The following GPATCH2 variants were observed in gnomAD, a reference collection of about 807,000 sequenced individuals.
GPATCH2 encodes G-patch domain containing 2.
Under a neutral mutation model 58.0 loss-of-function variants are expected in GPATCH2, and 51 were observed. The ratio of observed to expected loss-of-function variants is 0.88; its 90% CI spans 0.70 to 1.11. GPATCH2 has a LOEUF of 1.11. Among genes scored for constraint, GPATCH2 ranks in the 50% most tolerant of loss-of-function variants. The pLI is 0.00. For synonymous variants in GPATCH2, 222 were observed against 218.5 expected, an observed-to-expected ratio of 1.02 and a Z score of -0.14; for missense variants, 625 against 652.2, an observed-to-expected ratio of 0.96 and a Z score of 0.45.
intron 9 of GPATCH2, among the ~76,000 whole-genome samples, chr1:217,432,793 TAGTG>T (rs1357978459): frequency 2.6e-5 from 4 of 152,154 alleles, no homozygotes; most frequent in Non-Finnish European, 5.9e-5. Context: ...ACCTTTGTCT[TAGTG>T]AGAACATATT....
intron 5 of GPATCH2, among the ~76,000 whole-genome samples, chr1:217,578,909 G>A (rs1666930666): frequency 6.6e-6 from 1 of 152,078 alleles, no homozygotes; most frequent in South Asian, 2.1e-4. Flanking sequence ...TAGAATGATC[G>A]ATACTCTAGT....
At chr1:217,453,717 C>T (rs965476904) in intron 8 of GPATCH2, among the ~76,000 whole-genome samples, 10 of 152,124 alleles carry the variant, frequency 6.6e-5, no homozygotes, top group Admixed American at 5.2e-4. Context: ...CTACTGAGAA[C>T]CACCTTGCCT....
At chr1:217,511,338 A>G (rs1468553383) in intron 6 of GPATCH2, among the ~76,000 whole-genome samples, 1 of 152,178 alleles carries the variant, frequency 6.6e-6, no homozygotes, top group African/African-American at 2.4e-5. Flanking sequence ...TGGGAAAAGT[A>G]AGAACCAGCA....
intron 5 of GPATCH2, among the ~76,000 whole-genome samples, chr1:217,532,886 G>GTTTTTTTTT (rs57815648): frequency 7.7e-6 from 1 of 130,248 alleles, no homozygotes; most frequent in Non-Finnish European, 1.6e-5. Flanking sequence ...TCTTTTTTTT[G>GTTTTTTTTT]TTTTTTTTTT....
At position 217,506,105 on chromosome 1, in the gene GPATCH2, T is replaced by C. The variant is rs571499586; in HGVS notation, c.1167-7710A>G. ...ATTTAAATTCATATGAAAAATTAAGTTTCTTAATTGCAATGGCTACATTTC... is the reference window on the plus strand; with the variant it reads ...ATTTAAATTCATATGAAAAATTAAGCTTCTTAATTGCAATGGCTACATTTC... On this transcript the variant is annotated intron_variant, in intron 6 of 9. Coordinates refer to ENST00000366935, the MANE Select transcript of GPATCH2 (RefSeq NM_018040.5). Among the ~76,000 whole-genome samples the C allele has an allele frequency of 4.6e-5, 7 of 152,290 alleles. No individual in the cohort carries two copies. The East Asian group carries it at 1.4e-3, about 29-fold the overall frequency.
intron 5 of GPATCH2, among the ~76,000 whole-genome samples, chr1:217,567,922 C>T (rs1666330790): frequency 6.6e-6 from 1 of 152,154 alleles, no homozygotes; most frequent in African/African-American, 2.4e-5. Context: ...CGAGACTATC[C>T]TGGCTAACAT....
At chr1:217,541,953 T>C (rs1208622452) in intron 5 of GPATCH2, among the ~76,000 whole-genome samples, 1 of 151,940 alleles carries the variant, frequency 6.6e-6, no homozygotes, top group African/African-American at 2.4e-5. Context: ...TGAAGTAGAG[T>C]TTTTTTTATA....
At position 217,565,182 on chromosome 1, in the gene GPATCH2, T is replaced by C. The variant is rs75754765; in HGVS notation, c.1098+45139A>G. Among the ~76,000 whole-genome samples, 325 of 152,334 alleles carry C rather than the reference T, an allele frequency of 2.1e-3. 1 individual carries two copies. Among genetic ancestry groups the C allele is most frequent in the African/African-American group, 7.0e-3 (289 of 41,568 alleles). On this transcript the variant is annotated intron_variant, in intron 5 of 9. Coordinates refer to ENST00000366935, the MANE Select transcript of GPATCH2 (RefSeq NM_018040.5). The stretch of plus-strand genomic sequence containing the variant: ...GCAATACAAAAGGCCCTAAATGTTC[T>C]AAGAACCTCAAGTCCCTGGAATTCC...
chr1:217,456,388 CCT>C (rs1264563387), intron 8 of GPATCH2, among the ~76,000 whole-genome samples: 1 of 152,142 alleles, frequency 6.6e-6, no homozygotes, highest in Non-Finnish European at 1.5e-5. Flanking sequence ...AAGCCACACC[CCT>C]GTCACACCTC....
At chr1:217,629,189 T>C (rs559381494) in intron 1 of GPATCH2, among the ~76,000 whole-genome samples, 2 of 150,904 alleles carry the variant, frequency 1.3e-5, no homozygotes, top group South Asian at 4.2e-4. Flanking sequence ...AAGAAGAAAA[T>C]TCCATTAAGA....
intron 5 of GPATCH2, among the ~76,000 whole-genome samples, chr1:217,549,879 T>C (rs1665262802): frequency 6.6e-6 from 1 of 152,172 alleles, no homozygotes. Flanking sequence ...CACATTTAGA[T>C]TTGCTCTTAG....
At chr1:217,537,630 G>A (rs1215827465) in intron 5 of GPATCH2, among the ~76,000 whole-genome samples, 1 of 152,030 alleles carries the variant, frequency 6.6e-6, no homozygotes, top group Non-Finnish European at 1.5e-5. Flanking sequence ...GGTCTTATAT[G>A]CTAAAAATGG....
chr1:217,433,643 G>T (rs566057253), intron 9 of GPATCH2, among the ~76,000 whole-genome samples: 2 of 152,082 alleles, frequency 1.3e-5, no homozygotes, highest in Non-Finnish European at 1.5e-5. Flanking sequence ...TGATCCACCT[G>T]CCTTAGCCTC....
intron 5 of GPATCH2, among the ~76,000 whole-genome samples, chr1:217,541,901 C>T (rs1664762781): frequency 6.6e-6 from 1 of 152,088 alleles, no homozygotes; most frequent in African/African-American, 2.4e-5. Context: ...ATGTTCAAGC[C>T]TCTTTCACAA....
At chr1:217,570,050 T>C (rs1335922203) in intron 5 of GPATCH2, among the ~76,000 whole-genome samples, 1 of 152,126 alleles carries the variant, frequency 6.6e-6, no homozygotes, top group African/African-American at 2.4e-5. Context: ...AGTAAATGTA[T>C]GGGTAACAAT....
rs1161876542 is a variant in GPATCH2 at position 217,431,354 on chromosome 1, C to T, written c.1378G>A (p.Glu460Lys). ...PGPTTAGFVGENAQPILENNI... is the reference protein window; with the variant it reads ...PGPTTAGFVGKNAQPILENNI... The stretch of plus-strand genomic sequence containing the variant: ...TTTTCTAGGATTGGCTGGGCATTTT[C>T]ACCTACAAATCCTGAAATGATAAAA... The change falls in exon 10 of 10, where the codon GAA (glutamate) becomes AAA (lysine). Residue 460 changes from glutamate (E) to lysine (K), a missense_variant. Transcript: ENST00000366935. 1.9e-6 allele frequency: 3 copies of T among 1,570,708 alleles called. No homozygotes were observed. The highest frequency in any genetic ancestry group is 2.6e-6 in the Non-Finnish European group (3 of 1,140,412).
intron 5 of GPATCH2, among the ~76,000 whole-genome samples, chr1:217,541,429 C>T (rs1325816917): frequency 6.6e-6 from 1 of 152,106 alleles, no homozygotes; most frequent in Non-Finnish European, 1.5e-5. Flanking sequence ...TTTTTGTTTT[C>T]TCCCCCTGCA....
chr1:217,476,252 G>GTGTGTGTC (rs1237216471), intron 8 of GPATCH2, among the ~76,000 whole-genome samples: 1 of 151,930 alleles, frequency 6.6e-6, no homozygotes, highest in African/African-American at 2.4e-5. Context: ...GTGTGTGTGT[G>GTGTGTGTC]TGTGTGTGTG....
intron 3 of GPATCH2, 42 bp downstream of exon 3, chr1:217,614,099 A>G (rs1261366463): frequency 9.4e-7 from 1 of 1,067,220 alleles, no homozygotes. Context: ...CTTTAGAATG[A>G]AGAAGTTTTT....
Sources: gnomAD v4.1 joint callset for allele counts (sites outside exome capture counted in the v4.1 genomes callset) on GRCh38, gnomAD v4.1.1 for gene constraint, MANE v1.5 for transcripts, NCBI Gene and HGNC (gene_info 2026-07-23, HGNC 2026-07-21) for gene names.